Variants in RARB observed in about 807,000 individuals in gnomAD.
RARB encodes the protein retinoic acid receptor beta, also known as HBV-activated protein.
In RARB, 17 loss-of-function variants were observed where a neutral mutation model predicts 51.9. That is an observed-to-expected ratio of 0.33 (90% CI 0.22 to 0.49). RARB has a LOEUF of 0.49. Among genes scored for constraint, RARB ranks in the 20% least tolerant of loss-of-function variants. The pLI is 0.99. For synonymous variants in RARB, 215 were observed against 195.4 expected, an observed-to-expected ratio of 1.10 and a Z score of -0.84; for missense variants, 369 against 550.8, an observed-to-expected ratio of 0.67 and a Z score of 3.30.
In RARB at chr3:25,594,533, T is replaced by G. The variant is rs1473128384; in HGVS notation, c.1005T>G (p.Leu335=). 3.1e-6 allele frequency: 5 copies of G among 1,609,978 alleles called. No homozygotes were observed. In the South Asian group the frequency reaches 5.5e-5, roughly 18 times the overall value. Residue 335 remains leucine, a synonymous_variant, in exon 7 of 8, where the codon CTT becomes CTG. Coordinates refer to ENST00000330688, the MANE Select transcript of RARB (RefSeq NM_000965.5). ...CCTGGTATCCAGACCGCCAGGACCT[T>G]GAGGAACCGACAAAAGTAGATAAGC... ...ICLICGDRQD[L]EEPTKVDKLQ...
intron 5 of RARB, among the ~76,000 whole-genome samples, chr3:25,330,179 T>C (rs1704849465): frequency 6.6e-6 from 1 of 151,444 alleles, no homozygotes; most frequent in Admixed American, 6.6e-5. Context: ...ACAAAGATAC[T>C]CCCCGAGAAG....
intron 3 of RARB, among the ~76,000 whole-genome samples, chr3:25,544,982 G>C (rs1699558619): frequency 6.6e-6 from 1 of 151,414 alleles, no homozygotes; most frequent in Non-Finnish European, 1.5e-5. Flanking sequence ...TTTTTCTTGA[G>C]ACGGAGTCTC....
intron 5 of RARB, among the ~76,000 whole-genome samples, chr3:25,337,746 A>G (rs1239299338): frequency 6.6e-6 from 1 of 152,094 alleles, no homozygotes; most frequent in Admixed American, 6.6e-5. Flanking sequence ...TTTTGTGTGC[A>G]GCACTATTAC....
rs960109365 is a variant in RARB at position 25,110,944 on chromosome 3, A to G, written c.-327-21217A>G. On this transcript the variant is annotated intron_variant, in intron 3 of 11. Transcript: ENST00000383772. ...TTTGACATAAATAGAGTGTATTTTT[A>G]CAAATGTGTACAGATCGTGTACATT... Among the ~76,000 whole-genome samples the G allele has an allele frequency of 3.9e-5, 6 of 152,220 alleles. No homozygotes were observed. The East Asian group carries it at 1.2e-3, about 29-fold the overall frequency.
intron 2 of RARB, among the ~76,000 whole-genome samples, chr3:24,949,103 G>A (rs142882129): frequency 6.6e-6 from 1 of 152,116 alleles, no homozygotes; most frequent in Non-Finnish European, 1.5e-5. Flanking sequence ...GTTACCATTT[G>A]ACCCATGTCA....
intron 4 of RARB, among the ~76,000 whole-genome samples, chr3:25,170,742 G>C (rs954025827): frequency 3.3e-5 from 5 of 151,656 alleles, no homozygotes; most frequent in African/African-American, 1.2e-4. Flanking sequence ...AAATAATTGT[G>C]GAATTGATTT....
chr3:25,293,481 G>A (rs1448934560), intron 5 of RARB, among the ~76,000 whole-genome samples: 1 of 151,058 alleles, frequency 6.6e-6, no homozygotes, highest in Non-Finnish European at 1.5e-5. Flanking sequence ...TATTGTTGAC[G>A]ATGGGAAGAA....
chr3:25,164,787 T>C (rs924916638), intron 4 of RARB, among the ~76,000 whole-genome samples: 3 of 152,226 alleles, frequency 2.0e-5, no homozygotes, highest in Admixed American at 2.0e-4. Flanking sequence ...AGTTTGACTA[T>C]AGCAAGTATG....
At chr3:25,385,834 G>A (rs1021605971) in intron 5 of RARB, among the ~76,000 whole-genome samples, 3 of 152,072 alleles carry the variant, frequency 2.0e-5, no homozygotes, top group Non-Finnish European at 4.4e-5. Flanking sequence ...CCAGGGCCAC[G>A]GTTCTTAGTC....
intron 3 of RARB, among the ~76,000 whole-genome samples, chr3:25,561,037 A>G (rs1700248029): frequency 6.6e-6 from 1 of 152,192 alleles, no homozygotes; most frequent in East Asian, 1.9e-4. Context: ...TTTTTCAGAT[A>G]AGGAAACTGA....
intron 3 of RARB, among the ~76,000 whole-genome samples, chr3:25,548,507 C>T (rs931154932): frequency 6.6e-6 from 1 of 151,974 alleles, no homozygotes; most frequent in East Asian, 1.9e-4. Flanking sequence ...TAAGGCAGTG[C>T]CAAGGGAAGG....
chr3:24,880,798 AT>A (rs1312336075), intron 2 of RARB, among the ~76,000 whole-genome samples: 2 of 152,192 alleles, frequency 1.3e-5, no homozygotes, highest in Non-Finnish European at 2.9e-5. Context: ...CACTAACTTT[AT>A]TTTGGGACAT....
At chr3:25,368,582 T>C (rs920726764) in intron 5 of RARB, among the ~76,000 whole-genome samples, 3 of 152,238 alleles carry the variant, frequency 2.0e-5, no homozygotes, top group East Asian at 3.8e-4. Flanking sequence ...TAAGGAATTA[T>C]ACATGTTTTC....
chr3:25,013,809 T>C (rs946736046), intron 2 of RARB, among the ~76,000 whole-genome samples: 6 of 152,108 alleles, frequency 3.9e-5, no homozygotes, highest in Non-Finnish European at 7.4e-5. Flanking sequence ...CTTCTCTCTA[T>C]ACTAACAGAT....
chr3:25,209,617 G>A (rs1446594056), intron 5 of RARB, among the ~76,000 whole-genome samples: 2 of 152,174 alleles, frequency 1.3e-5, no homozygotes, highest in Non-Finnish European at 2.9e-5. Context: ...CTTCTTAGCT[G>A]GACCTCTGCT....
rs35710364 is a variant in RARB, at chr3:25,156,516, CAAAAAAAAAAAA to C, written c.-279-17583_-279-17572del. Among the ~76,000 whole-genome samples the C allele has an allele frequency of 3.5e-3, 198 of 56,838 alleles. 2 individuals carry two copies. Among genetic ancestry groups the C allele is most frequent in the African/African-American group, 0.013 (179 of 13,596 alleles). The allele number at this position is 56,838 out of a possible 152,430, so 37.3% of individuals were successfully genotyped here. ...ATCACACAAATTCTAGCCCCAACTG[CAAAAAAAAAAAA>C]AAAAAAAAAAAAAAAAAAAGGCAGT... On this transcript the variant is annotated intron_variant, in intron 4 of 11. Coordinates refer to the RARB transcript ENST00000383772.
intron 2 of RARB, among the ~76,000 whole-genome samples, chr3:25,008,025 G>T (rs1054447439): frequency 4.6e-5 from 7 of 152,070 alleles, no homozygotes; most frequent in African/African-American, 1.7e-4. Flanking sequence ...TCTTAGCACA[G>T]CTTTTTTTGG....
chr3:24,935,009 AC>A (rs1695520558), intron 2 of RARB, among the ~76,000 whole-genome samples: 2 of 152,162 alleles, frequency 1.3e-5, no homozygotes, highest in South Asian at 4.1e-4. Context: ...ATCATGTGGT[AC>A]TATAATATTG....
intron 2 of RARB, among the ~76,000 whole-genome samples, chr3:24,974,131 A>T (rs1478793398): frequency 6.6e-6 from 1 of 151,936 alleles, no homozygotes; most frequent in Non-Finnish European, 1.5e-5. Flanking sequence ...TTCTTTCTAT[A>T]CCCAGTTTTT....
Sources: allele counts gnomAD v4.1 joint callset (sites outside exome capture counted in the v4.1 genomes callset), GRCh38; gene constraint gnomAD v4.1.1; transcripts MANE v1.5; gene names NCBI Gene and HGNC (gene_info 2026-07-23, HGNC 2026-07-21).